Variants in IMPG1 observed in about 807,000 individuals in gnomAD.
IMPG1 encodes the protein interphotoreceptor matrix proteoglycan 1, also known as interphotoreceptor matrix proteoglycan of 150 kDa.
IMPG1 carries 85 observed loss-of-function variants against 92.0 expected under a neutral mutation model. The observed-to-expected ratio is 0.92, with a 90% confidence interval of 0.78 to 1.11. The LOEUF (loss-of-function observed/expected upper bound fraction) is 1.11. Ranked by LOEUF, IMPG1 falls within the 50% of genes least tolerant of loss-of-function variation. The pLI is 0.00. For synonymous variants in IMPG1, 367 were observed against 334.1 expected, an observed-to-expected ratio of 1.10 and a Z score of -1.08; for missense variants, 1,022 against 956.0, an observed-to-expected ratio of 1.07 and a Z score of -0.91.
intron 14 of IMPG1, among the ~76,000 whole-genome samples, chr6:75,943,218 G>C (rs113820051): frequency 6.6e-6 from 1 of 152,128 alleles, no homozygotes; most frequent in Non-Finnish European, 1.5e-5. Context: ...ATGGTAGCTC[G>C]TACTGCTGTG....
In IMPG1 at chr6:75,974,393, T is replaced by TTCCTTCCTTCCTTCCTTGCTTGC. The variant is rs1313714060; in HGVS notation, c.1292-23300_1292-23299insGCAAGCAAGGAAGGAAGGAAGGA. Among the ~76,000 whole-genome samples, 16 of 65,006 alleles carry TTCCTTCCTTCCTTCCTTGCTTGC rather than the reference T, an allele frequency of 2.5e-4. 1 individual carries two copies. Among genetic ancestry groups the TTCCTTCCTTCCTTCCTTGCTTGC allele is most frequent in the African/African-American group, 8.2e-4 (14 of 17,046 alleles). The allele number at this position is 65,006 out of a possible 152,430, so 42.6% of individuals were successfully genotyped here. A position where few individuals can be genotyped will look rare whatever the true frequency, so the allele number is the denominator to read the frequency against. ...TTTCTTTCTTTCTTTCTTTCTTTCTTTTCTTTCTTTCCTTCCTTCCTTCCT... is the reference window on the plus strand; with the variant it reads ...TTTCTTTCTTTCTTTCTTTCTTTCTTTCCTTCCTTCCTTCCTTGCTTGCTTCTTTCTTTCCTTCCTTCCTTCCT... On this transcript the variant is annotated intron_variant, in intron 12 of 16. Coordinates refer to ENST00000369950, the MANE Select transcript of IMPG1 (RefSeq NM_001563.4).
intron 1 of IMPG1, among the ~76,000 whole-genome samples, chr6:76,065,196 C>A (rs1469733724): frequency 6.6e-6 from 1 of 151,966 alleles, no homozygotes; most frequent in Non-Finnish European, 1.5e-5. Context: ...GTTACAGGAT[C>A]CCCAAAAGAT....
Position 75,931,064 on chromosome 6 carries a change from C to T in IMPG1, c.2132G>A (p.Arg711His), listed in dbSNP as rs3734313. 280,035 of 1,613,852 alleles carry T rather than the reference C, an allele frequency of 0.17. 25,206 individuals are homozygous for T. The highest frequency in any genetic ancestry group is 0.28 in the East Asian group (12,654 of 44,850). ...CTGGCTGTCATATCCTGGTTTGCAG[C>T]GACACTCCGCTTCCTCAGTCCGTTC... ...KNERTEEAECRCKPGYDSQGS... is the reference protein window; with the variant it reads ...KNERTEEAECHCKPGYDSQGS... The change falls in exon 15 of 17, where the codon CGC (arginine) becomes CAC (histidine). Residue 711 changes from arginine (R) to histidine (H), a missense_variant. Transcript: ENST00000369950.
chr6:76,016,260 A>AT (rs553379292), intron 7 of IMPG1, among the ~76,000 whole-genome samples: 9 of 152,294 alleles, frequency 5.9e-5, no homozygotes, highest in East Asian at 1.9e-4. Flanking sequence ...TAGAACTCTG[A>AT]TTTTTTAAAA....
At chr6:75,924,957 C>T (rs2149448109) in intron 15 of IMPG1, among the ~76,000 whole-genome samples, 1 of 149,952 alleles carries the variant, frequency 6.7e-6, no homozygotes, top group East Asian at 2.0e-4. Flanking sequence ...CAGTAGTTAC[C>T]AGAGACTGGG....
chr6:76,011,268 G>T, intron 7 of IMPG1, 44 bp from the exon 8 acceptor site: 1 of 1,073,440 alleles, frequency 9.3e-7, no homozygotes. Flanking sequence ...TGGTTCTGCT[G>T]GGTCAGTTCT....
In IMPG1 at chr6:75,921,728, G is replaced by T. The variant is rs1582041241; in HGVS notation, c.*361C>A. 4 of 209,666 alleles carry T rather than the reference G, an allele frequency of 1.9e-5. No individual in the cohort carries two copies. In the South Asian group the frequency reaches 3.1e-4, roughly 16 times the overall value. The allele number at this position is 209,666 out of a possible 1,614,324, so 13.0% of individuals were successfully genotyped here. On this transcript the variant is annotated 3_prime_UTR_variant, in exon 17 of 17. Transcript: ENST00000369950. ...TAAAGAGTTTGCTTCCCAATAAATT[G>T]TTCAGTCCCTAAACAATAAGTAAGC...
intron 1 of IMPG1, among the ~76,000 whole-genome samples, chr6:76,057,364 G>A (rs1046299323): frequency 6.6e-6 from 1 of 152,156 alleles, no homozygotes; most frequent in Admixed American, 6.5e-5. Context: ...GATGAGGCAT[G>A]TAGCAGTGGG....
Position 75,947,477 on chromosome 6 carries a change from G to C in IMPG1, c.1881C>G (p.Asn627Lys). The change falls in exon 14 of 17, where the codon AAC (asparagine) becomes AAG (lysine). Residue 627 changes from asparagine (N) to lysine (K), a missense_variant. Physicochemically the swap from Asn to Lys is moderately conservative, Grantham distance 94. This residue lies in a region of IMPG1 where 332 missense variants were observed against 346.2 expected (regional missense o/e 0.96). Coordinates refer to ENST00000369950, the MANE Select transcript of IMPG1 (RefSeq NM_001563.4). ...LTGFKQLEIL[N>K]FRNGSVIVNS... ...TCACAATCACACTCCCGTTTCTGAA[G>C]TTAAGTATTTCAAGTTGCTTAAATC... 1 of 1,613,822 alleles carries C rather than the reference G, an allele frequency of 6.2e-7. No homozygotes were observed. The highest frequency in any genetic ancestry group is 8.5e-7 in the Non-Finnish European group (1 of 1,179,824).
chr6:75,981,297 G>A (rs1007259214), intron 12 of IMPG1, among the ~76,000 whole-genome samples: 1 of 152,048 alleles, frequency 6.6e-6, no homozygotes, highest in African/African-American at 2.4e-5. Flanking sequence ...TTAATTAAAG[G>A]GAAGAAAATT....
chr6:76,015,812 A>G (rs1032239384), intron 7 of IMPG1, among the ~76,000 whole-genome samples: 1 of 150,770 alleles, frequency 6.6e-6, no homozygotes, highest in African/African-American at 2.4e-5. Context: ...AAAAAAAAAA[A>G]AAAAAAAAAA....
At chr6:76,003,086 T>G in intron 11 of IMPG1, 90 bp from the exon 12 acceptor site, 1 of 880,226 alleles carries the variant, frequency 1.1e-6, no homozygotes, top group Non-Finnish European at 1.9e-6. Flanking sequence ...AATTTTCATT[T>G]AAATTTAGGC....
chr6:75,957,250 T>C (rs1241810219), intron 12 of IMPG1, among the ~76,000 whole-genome samples: 3 of 152,212 alleles, frequency 2.0e-5, no homozygotes, highest in African/African-American at 7.2e-5. Context: ...GAGTTCTAAG[T>C]TGATTGCATT....
chr6:76,042,319 C>A (rs926825535), intron 1 of IMPG1, among the ~76,000 whole-genome samples, 193 bp from the exon 2 acceptor site: 2 of 152,012 alleles, frequency 1.3e-5, no homozygotes, highest in South Asian at 4.1e-4. Flanking sequence ...GTATAATGAG[C>A]CGATCAAGCG....
intron 12 of IMPG1, among the ~76,000 whole-genome samples, chr6:75,974,351 C>CTT (rs1244663597): frequency 2.8e-5 from 3 of 105,748 alleles, no homozygotes; most frequent in East Asian, 3.3e-4. Flanking sequence ...TTCTTTCTTT[C>CTT]TTTCTTTCTT....
intron 9 of IMPG1, 84 bp downstream of exon 9, chr6:76,007,396 G>T (rs1355585415): frequency 2.0e-6 from 2 of 1,007,114 alleles, no homozygotes; most frequent in Non-Finnish European, 1.5e-6. Flanking sequence ...GACATTATAT[G>T]TAAAAATTAT....
intron 1 of IMPG1, among the ~76,000 whole-genome samples, chr6:76,051,527 G>C (rs868170682): frequency 3.1e-4 from 47 of 152,202 alleles, no homozygotes; most frequent in African/African-American, 1.1e-3. Context: ...AGAGGCAAAA[G>C]TTGTTGGAAT....
intron 1 of IMPG1, among the ~76,000 whole-genome samples, chr6:76,069,565 A>G: frequency 6.6e-6 from 1 of 152,098 alleles, no homozygotes; most frequent in East Asian, 1.9e-4. Context: ...TGGTCAAAGA[A>G]GACTTCTCAA....
chr6:76,041,425 A>G (rs907727411), intron 2 of IMPG1, among the ~76,000 whole-genome samples: 3 of 152,204 alleles, frequency 2.0e-5, no homozygotes, highest in African/African-American at 4.8e-5. Context: ...TCCAAACTTT[A>G]AAAGTTTCTG....
Sources: gnomAD v4.1 joint callset for allele counts (sites outside exome capture counted in the v4.1 genomes callset) on GRCh38, gnomAD v4.1.1 for gene constraint, gnomAD v4.1.1 regional missense constraint, MANE v1.5 for transcripts, NCBI Gene and HGNC (gene_info 2026-07-23, HGNC 2026-07-21) for gene names.